Variants in MSR1 observed in about 807,000 individuals in gnomAD.
MSR1 encodes macrophage scavenger receptor 1.
A neutral mutation model predicts 47.2 loss-of-function variants in MSR1; 53 were observed. The observed-to-expected ratio is 1.12, with a 90% confidence interval of 0.90 to 1.41. MSR1 has a LOEUF of 1.41. Among genes scored for constraint, MSR1 ranks in the 40% most tolerant of loss-of-function variants. MSR1 has a pLI of 0.00. For synonymous variants in MSR1, 239 were observed against 185.6 expected (o/e 1.29, Z -2.34); for missense variants, 786 against 546.9 (o/e 1.44, Z -4.36).
At chr8:16,136,353 C>T (rs1020416632) in intron 8 of MSR1, among the ~76,000 whole-genome samples, 4 of 152,066 alleles carry the variant, frequency 2.6e-5, no homozygotes, top group African/African-American at 7.2e-5. Flanking sequence ...TAACAACTTC[C>T]GGAAGGTTCA....
chr8:16,124,888 C>G (rs1002771014), intron 8 of MSR1, among the ~76,000 whole-genome samples: 2 of 151,976 alleles, frequency 1.3e-5, no homozygotes, highest in Non-Finnish European at 2.9e-5. Context: ...ATTAAATTGG[C>G]AAATGCTTAA....
At chr8:16,113,446 A>C (rs1799808215) in intron 9 of MSR1, among the ~76,000 whole-genome samples, 1 of 152,132 alleles carries the variant, frequency 6.6e-6, no homozygotes, top group African/African-American at 2.4e-5. Flanking sequence ...TAATAGTTAA[A>C]AGTGCCTGAA....
At chr8:16,157,868 TTTC>T (rs1163099396) in intron 5 of MSR1, among the ~76,000 whole-genome samples, 8 of 151,982 alleles carry the variant, frequency 5.3e-5, no homozygotes, top group Non-Finnish European at 8.8e-5. Context: ...CAGTGTTGGC[TTTC>T]TTCTTCTTTT....
At chr8:16,145,494 C>G (rs1163555236) in intron 7 of MSR1, among the ~76,000 whole-genome samples, 1 of 152,192 alleles carries the variant, frequency 6.6e-6, no homozygotes, top group Admixed American at 6.5e-5. Context: ...AGAAACTATG[C>G]ATTGTTCTTA....
At chr8:16,113,387 G>A (rs1379457042) in intron 9 of MSR1, among the ~76,000 whole-genome samples, 1 of 152,114 alleles carries the variant, frequency 6.6e-6, no homozygotes, top group East Asian at 1.9e-4. Context: ...ATAAAATGAT[G>A]AGATTTGAGA....
intron 8 of MSR1, among the ~76,000 whole-genome samples, chr8:16,136,314 C>T (rs907423396): frequency 2.0e-5 from 3 of 152,132 alleles, no homozygotes; most frequent in Admixed American, 1.3e-4. Flanking sequence ...GCCATCAACA[C>T]GGAGGCAAGA....
chr8:16,168,690 G>C lies in MSR1; in HGVS notation c.398C>G (p.Ala133Gly), dbSNP rs761800648. 6.2e-7 allele frequency: 1 copy of C among 1,614,142 alleles called. No individual in the cohort carries two copies. ...GAAATGCTCTGTGTCCATGAGGTTG[G>C]CTTCCATGTCTAAAATATGCTGGAT... ...KRIQHILDME[A>G]NLMDTEHFQN... The change falls in exon 4 of 10, where the codon GCC (alanine) becomes GGC (glycine). Residue 133 changes from alanine to glycine, a missense_variant. By Grantham distance (60) the Ala-to-Gly change is moderately conservative. Transcript: ENST00000262101.
intron 1 of MSR1, among the ~76,000 whole-genome samples, chr8:16,191,761 A>G (rs903985766): frequency 1.6e-4 from 24 of 152,126 alleles, no homozygotes; most frequent in African/African-American, 4.1e-4. Flanking sequence ...TCTCAGTTCT[A>G]TGGTTTTTCT....
intron 8 of MSR1, among the ~76,000 whole-genome samples, chr8:16,127,103 G>C (rs1800146783): frequency 6.6e-6 from 1 of 152,140 alleles, no homozygotes; most frequent in Non-Finnish European, 1.5e-5. Context: ...ATATTAAATA[G>C]CAGTTTCTCA....
At position 16,164,274 on chromosome 8, in the gene MSR1, C is replaced by T. The variant is rs1233052070; in HGVS notation, c.631-23G>A. On this transcript the variant is annotated intron_variant, in intron 4 of 9. Transcript: ENST00000262101. The stretch of plus-strand genomic sequence containing the variant: ...TTCCTGTAAAACATAAGTGAGCATT[C>T]ACAGCCTTTGTTACATACATAATTA... 4 of 1,599,504 alleles carry T rather than the reference C, an allele frequency of 2.5e-6. No homozygotes were observed. In the African/African-American group the frequency reaches 5.4e-5, roughly 21 times the overall value.
At chr8:16,145,951 ATTT>A (rs1321808043) in intron 7 of MSR1, among the ~76,000 whole-genome samples, 5 of 152,240 alleles carry the variant, frequency 3.3e-5, no homozygotes, top group Admixed American at 2.0e-4. Flanking sequence ...AGTAACTTAT[ATTT>A]CTAAAAGCCA....
At chr8:16,139,969 T>C (rs1800509062) in intron 8 of MSR1, 1 of 451,264 alleles carries the variant, frequency 2.2e-6, no homozygotes, top group Middle Eastern at 1.2e-3. Flanking sequence ...TGTATTGTAA[T>C]TGCTTGTTCA....
intron 1 of MSR1, among the ~76,000 whole-genome samples, chr8:16,186,951 G>A (rs186575830): frequency 2.0e-4 from 30 of 151,964 alleles, no homozygotes; most frequent in Admixed American, 1.2e-3. Context: ...TGACTTTCAC[G>A]CTTACATTCT....
At chr8:16,118,413 C>T (rs1481031314) in intron 9 of MSR1, among the ~76,000 whole-genome samples, 1 of 152,106 alleles carries the variant, frequency 6.6e-6, no homozygotes, top group Non-Finnish European at 1.5e-5. Flanking sequence ...TGTTAGTTAT[C>T]ATAGAAATGG....
chr8:16,155,665 C>T (rs923377015), intron 5 of MSR1, among the ~76,000 whole-genome samples: 3 of 151,584 alleles, frequency 2.0e-5, no homozygotes, highest in Admixed American at 6.6e-5. Context: ...TGTAGATCGG[C>T]GTGAATGGTG....
intron 8 of MSR1, among the ~76,000 whole-genome samples, chr8:16,133,022 G>T (rs371407632): frequency 1.3e-5 from 2 of 152,088 alleles, no homozygotes; most frequent in East Asian, 3.9e-4. Flanking sequence ...TATCTATTGA[G>T]ATCATCATGT....
chr8:16,176,129 C>G (rs1344638014), intron 2 of MSR1, among the ~76,000 whole-genome samples: 1 of 152,108 alleles, frequency 6.6e-6, no homozygotes, highest in East Asian at 1.9e-4. Flanking sequence ...ATGTTGCTTT[C>G]AGGTTGCAAA....
chr8:16,135,826 T>C (rs948259951), intron 8 of MSR1, among the ~76,000 whole-genome samples: 2 of 152,124 alleles, frequency 1.3e-5, no homozygotes, highest in Non-Finnish European at 2.9e-5. Flanking sequence ...CCCTCATGAA[T>C]GACTGTGAGG....
chr8:16,135,437 T>C (rs1800366050), intron 8 of MSR1, among the ~76,000 whole-genome samples: 1 of 152,124 alleles, frequency 6.6e-6, no homozygotes, highest in Non-Finnish European at 1.5e-5. Context: ...TATTTTAATC[T>C]TACTGTTGAG....
Sources: gnomAD v4.1 joint callset for allele counts (sites outside exome capture counted in the v4.1 genomes callset) on GRCh38, gnomAD v4.1.1 for gene constraint, MANE v1.5 for transcripts, NCBI Gene and HGNC (gene_info 2026-07-23, HGNC 2026-07-21) for gene names.